The following MSN variants were observed in gnomAD, a reference collection of about 807,000 sequenced individuals.
MSN encodes the protein epididymis luminal protein 70.
MSN carries 2 observed loss-of-function variants against 48.0 expected under a neutral mutation model. The ratio of observed to expected loss-of-function variants is 0.04; its 90% CI spans 0.02 to 0.13. MSN has a LOEUF of 0.13. MSN is among the 10% of genes least tolerant of loss of function. The pLI is 1.00. For missense variants in MSN, 267 were observed against 470.1 expected (o/e 0.57, Z 3.99); for synonymous variants, 146 against 166.9 (o/e 0.87, Z 0.97).
chrX:65,623,646 A>C (rs889388624), intron 1 of MSN, among the ~76,000 whole-genome samples: 13 of 109,118 alleles, frequency 1.2e-4, no homozygotes, highest in Non-Finnish European at 9.5e-5. Flanking sequence ...CCCCGTCTCT[A>C]CTAAAAATAC....
chrX:65,648,637 C>A (rs1415514115), intron 1 of MSN, among the ~76,000 whole-genome samples: 2 of 111,249 alleles, frequency 1.8e-5, no homozygotes, highest in Non-Finnish European at 3.8e-5. Context: ...CTTTGGGAGG[C>A]CGAGATGGGT....
At chrX:65,677,768 A>T (rs1480544589) in intron 1 of MSN, among the ~76,000 whole-genome samples, 1 of 108,535 alleles carries the variant, frequency 9.2e-6, no homozygotes, top group African/African-American at 3.4e-5. Context: ...AAAAAAAAGA[A>T]AAAAAAAAAG....
At chrX:65,720,155 G>C (rs2071503473) in intron 2 of MSN, among the ~76,000 whole-genome samples, 1 of 111,915 alleles carries the variant, frequency 8.9e-6, no homozygotes, top group African/African-American at 3.3e-5. Context: ...CCTATTCCTG[G>C]CTAGGCGCTT....
intron 1 of MSN, among the ~76,000 whole-genome samples, chrX:65,699,293 A>G (rs1018876759): frequency 1.5e-4 from 17 of 111,796 alleles, no homozygotes; most frequent in African/African-American, 5.5e-4. Flanking sequence ...TCTCTGAACC[A>G]CCATTCATGG....
chrX:65,627,213 T>A (rs1297962428), intron 1 of MSN, among the ~76,000 whole-genome samples: 1 of 102,932 alleles, frequency 9.7e-6, no homozygotes, highest in Admixed American at 1.0e-4. Context: ...CTATAATTTT[T>A]AAATAAGAGC....
At chrX:65,616,939 G>A (rs1231773961) in intron 1 of MSN, among the ~76,000 whole-genome samples, 1 of 110,466 alleles carries the variant, frequency 9.1e-6, no homozygotes, top group Non-Finnish European at 1.9e-5. Flanking sequence ...TTTGTCAAAG[G>A]CCTTTTCCGC....
At chrX:65,651,793 T>G (rs1180895765) in intron 1 of MSN, among the ~76,000 whole-genome samples, 1 of 106,405 alleles carries the variant, frequency 9.4e-6, no homozygotes, top group African/African-American at 3.4e-5. Context: ...TTCATCACAT[T>G]GGCCACATTG....
intron 2 of MSN, among the ~76,000 whole-genome samples, chrX:65,727,375 G>A (rs185437620): frequency 9.0e-6 from 1 of 111,720 alleles, no homozygotes; most frequent in East Asian, 2.8e-4. Context: ...GGAAGGAGGA[G>A]GTGGCAGAAA....
At chrX:65,728,593 G>A (rs2071591919) in intron 3 of MSN, among the ~76,000 whole-genome samples, 2 of 111,196 alleles carry the variant, frequency 1.8e-5, no homozygotes, top group East Asian at 5.6e-4. Flanking sequence ...GAGCTTGGCT[G>A]GGGATTTGTT....
At chrX:65,635,549 A>G (rs1437190904) in intron 1 of MSN, among the ~76,000 whole-genome samples, 1 of 111,551 alleles carries the variant, frequency 9.0e-6, no homozygotes, top group African/African-American at 3.3e-5. Context: ...GTGAGTTCCA[A>G]TGCAGTCCCA....
intron 2 of MSN, among the ~76,000 whole-genome samples, chrX:65,721,347 T>A (rs1189170396): frequency 8.9e-6 from 1 of 112,248 alleles, no homozygotes; most frequent in Non-Finnish European, 1.9e-5. Flanking sequence ...AAAATGATAA[T>A]CATGCTAATC....
intron 1 of MSN, among the ~76,000 whole-genome samples, chrX:65,693,780 G>A (rs1172442729): frequency 8.9e-6 from 1 of 112,175 alleles, no homozygotes; most frequent in Non-Finnish European, 1.9e-5. Context: ...TGGGCCGGGC[G>A]CAGTGGCTCA....
At chrX:65,641,549 A>AATAT (rs1240566144) in intron 1 of MSN, among the ~76,000 whole-genome samples, 2 of 32,570 alleles carry the variant, frequency 6.1e-5, no homozygotes, top group Non-Finnish European at 1.0e-4. Flanking sequence ...AAAAAAGTGA[A>AATAT]GTATATATAT....
chrX:65,735,488 G>T, intron 8 of MSN, 58 bp downstream of exon 8: 1 of 1,138,363 alleles, frequency 8.8e-7, no homozygotes, highest in Non-Finnish European at 1.2e-6. Flanking sequence ...CTTCTCAAAG[G>T]TGCCCTGCAT....
At chrX:65,692,384 G>C (rs916625523) in intron 1 of MSN, among the ~76,000 whole-genome samples, 1 of 112,585 alleles carries the variant, frequency 8.9e-6, no homozygotes, top group Non-Finnish European at 1.9e-5. Context: ...TATTTTTTCT[G>C]CCAGTGCCTT....
intron 1 of MSN, among the ~76,000 whole-genome samples, chrX:65,653,671 C>T (rs1478350776): frequency 9.1e-6 from 1 of 109,389 alleles, no homozygotes; most frequent in Non-Finnish European, 1.9e-5. Flanking sequence ...GTATGGATAA[C>T]ATACACATGG....
chrX:65,726,906 C>T (rs928890801), intron 2 of MSN, among the ~76,000 whole-genome samples: 4 of 111,382 alleles, frequency 3.6e-5, no homozygotes, highest in African/African-American at 1.3e-4. Flanking sequence ...TATTAACATG[C>T]TAATGTCAGG....
At chrX:65,714,729 T>A (rs1284205499) in intron 1 of MSN, among the ~76,000 whole-genome samples, 2 of 111,749 alleles carry the variant, frequency 1.8e-5, no homozygotes, top group Non-Finnish European at 3.8e-5. Flanking sequence ...GTAAGTTGCA[T>A]AGTTTGCAAA....
chrX:65,711,035 C>T (rs185994720), intron 1 of MSN, among the ~76,000 whole-genome samples: 20 of 104,945 alleles, frequency 1.9e-4, no homozygotes, highest in Non-Finnish European at 3.5e-4. Context: ...CAGGCGTGCA[C>T]CACCATGCCC....
Sources: gnomAD v4.1 joint callset for allele counts (sites outside exome capture counted in the v4.1 genomes callset) on GRCh38, gnomAD v4.1.1 for gene constraint, MANE v1.5 for transcripts, NCBI Gene and HGNC (gene_info 2026-07-23, HGNC 2026-07-21) for gene names.